ATM: variants seen among roughly 807,000 people sequenced by gnomAD.
ATM encodes ATM serine/threonine kinase.
Under a neutral mutation model 387.0 loss-of-function variants are expected in ATM, and 308 were observed. The observed-to-expected ratio is 0.80, with a 90% CI of 0.73 to 0.87. The LOEUF (loss-of-function observed/expected upper bound fraction) is 0.87. Among genes scored for constraint, ATM ranks in the 40% least tolerant of loss-of-function variants. The pLI is 0.00. For synonymous variants in ATM, 1,156 were observed against 1,187.3 expected, an observed-to-expected ratio of 0.97 and a Z score of 0.54; for missense variants, 3,312 against 3,560.9, an observed-to-expected ratio of 0.93 and a Z score of 1.78.
rs757172522 is a variant in ATM at position 108,289,018 on chromosome 11, A to C, written c.4151A>C (p.His1384Pro). ...PAPNPPHFPS[H>P]VIKATFAYIS... The stretch of plus-strand genomic sequence containing the variant: ...CCTAATCCACCTCATTTTCCATCGC[A>C]TGTGATTAAAGCAACATTTGCCTAT... The change falls in exon 28 of 63, where the codon CAT becomes CCT. Residue 1384 changes from histidine to proline, a missense_variant. Transcript: ENST00000675843. The C allele has an allele frequency of 6.2e-7, 1 of 1,613,548 alleles. No individual in the cohort carries two copies. Among genetic ancestry groups the C allele is most frequent in the Non-Finnish European group, 8.5e-7 (1 of 1,179,680 alleles).
At chr11:108,229,534 T>C (rs960501736) in intron 4 of ATM, 3 of 498,652 alleles carry the variant, frequency 6.0e-6, no homozygotes, top group African/African-American at 1.9e-5. Context: ...AGTGGGAGTT[T>C]AGAAGGAACA....
chr11:108,344,786 TTGAGCCCAGGAGTTTAAG>T (rs2088090100), intron 57 of ATM, among the ~76,000 whole-genome samples: 1 of 152,084 alleles, frequency 6.6e-6, no homozygotes, highest in Admixed American at 6.5e-5. Flanking sequence ...GGAGGATTGC[TTGAGCCCAGGAGTTTAAG>T]ACCAGCCTGG....
In ATM at chr11:108,349,670, G is replaced by C. The variant is rs183038754; in HGVS notation, c.8671+2305G>C. Among the ~76,000 whole-genome samples, 391 of 152,120 alleles carry C rather than the reference G, an allele frequency of 2.6e-3. 2 individuals carry two copies. Among genetic ancestry groups the C allele is most frequent in the African/African-American group, 9.1e-3 (378 of 41,520 alleles). ...AGAGCAAGACTGTCTCAAAAAAAAA[G>C]AATGTGGAATCTTCCTACAAGAAGT... On this transcript the variant is annotated intron_variant, in intron 59 of 62. Transcript: ENST00000675843.
In ATM at chr11:108,282,891, C is replaced by T. The variant is rs768841674; in HGVS notation, c.3746+12C>T. 6.9e-7 allele frequency: 1 copy of T among 1,444,748 alleles called. No homozygotes were observed. Among genetic ancestry groups the T allele is most frequent in the East Asian group, 2.3e-5 (1 of 43,708 alleles). The allele number at this position is 1,444,748 out of a possible 1,614,324, so 89.5% of individuals were successfully genotyped here. ...GAGGATTTCTATAGGTAAGTTTATA[C>T]ATGACATATGTGAAATTTGTTTAAT... On this transcript the variant is annotated intron_variant, in intron 25 of 62. Transcript: ENST00000675843.
In ATM at chr11:108,289,178, A is replaced by T; in HGVS notation, c.4236+75A>T. The stretch of plus-strand genomic sequence containing the variant: ...TAAAAAAACTTTGTAAATACATCTT[A>T]AAGAGGAAAAGTAAACAAATGAAAA... On this transcript the variant is annotated intron_variant, in intron 28 of 62. Transcript: ENST00000675843. 7 of 1,405,324 alleles carry T rather than the reference A, an allele frequency of 5.0e-6. No homozygotes were observed. In the South Asian group the frequency reaches 9.2e-5, roughly 18 times the overall value. 87.1% of individuals were successfully genotyped at this position (1,405,324 alleles called of 1,614,324 possible). A position where few individuals can be genotyped will look rare whatever the true frequency, so the allele number is the denominator to read the frequency against.
chr11:108,236,510 A>G (rs577102355), intron 5 of ATM: 1 of 150,550 alleles, frequency 6.6e-6, no homozygotes, highest in Admixed American at 6.7e-5. Flanking sequence ...GGCCTCCATG[A>G]CAGAGTGAGA....
chr11:108,291,553 T>C, intron 29 of ATM, among the ~76,000 whole-genome samples: 1 of 152,242 alleles, frequency 6.6e-6, no homozygotes, highest in Middle Eastern at 3.2e-3. Flanking sequence ...ATCTATTTTC[T>C]GTCTCAATGA....
chr11:108,341,547 TAATC>T (rs1555133930), intron 56 of ATM, among the ~76,000 whole-genome samples: 3 of 152,134 alleles, frequency 2.0e-5, no homozygotes, highest in Non-Finnish European at 4.4e-5. Flanking sequence ...GTTAATAAAT[TAATC>T]AAATGCTTCC....
At chr11:108,298,762 G>T (rs1297799861) in intron 33 of ATM, among the ~76,000 whole-genome samples, 1 of 152,196 alleles carries the variant, frequency 6.6e-6, no homozygotes, top group African/African-American at 2.4e-5. Flanking sequence ...TGTATTTACA[G>T]ACGACATGAT....
chr11:108,314,631 G>A (rs889925535), intron 40 of ATM, among the ~76,000 whole-genome samples: 1 of 151,908 alleles, frequency 6.6e-6, no homozygotes. Flanking sequence ...AACAGTGTAA[G>A]GGTTAGAGGT....
intron 36 of ATM, among the ~76,000 whole-genome samples, chr11:108,303,916 T>C (rs1168554505): frequency 6.6e-6 from 1 of 152,204 alleles, no homozygotes; most frequent in Non-Finnish European, 1.5e-5. Context: ...TTAAATTCTC[T>C]AGCTCTAAAA....
At chr11:108,225,134 A>G (rs967955344) in intron 1 of ATM, 83 of 152,208 alleles carry the variant, frequency 5.5e-4, no homozygotes, top group African/African-American at 2.0e-3. Flanking sequence ...GCCAAACCTT[A>G]TGGTTCTTTG....
At position 108,365,714 on chromosome 11, in the gene ATM, A is replaced by G; in HGVS notation, c.*206A>G. 1 of 688,328 alleles carries G rather than the reference A, an allele frequency of 1.5e-6. No individual in the cohort carries two copies. The highest frequency in any genetic ancestry group is 2.4e-6 in the Non-Finnish European group (1 of 424,558). The allele number at this position is 688,328 out of a possible 1,614,324, so 42.6% of individuals were successfully genotyped here. A position where few individuals can be genotyped will look rare whatever the true frequency, so the allele number is the denominator to read the frequency against. ...AGGAACATCTCTGCTTTCACTCTTT[A>G]GAAATAATGGTCATTCGGGCTGGGC... On this transcript the variant is annotated 3_prime_UTR_variant, in exon 63 of 63. Transcript: ENST00000675843.
chr11:108,285,364 A>G (rs1591649420), intron 26 of ATM, among the ~76,000 whole-genome samples: 1 of 148,346 alleles, frequency 6.7e-6, no homozygotes, highest in East Asian at 2.0e-4. Flanking sequence ...TATTTTGAGT[A>G]TTCATTAAAT....
chr11:108,355,986 A>G (rs1282074709), intron 61 of ATM: 3 of 152,208 alleles, frequency 2.0e-5, no homozygotes, highest in Non-Finnish European at 4.4e-5. Context: ...GGTCCCAATA[A>G]TACGTTGGTA....
At chr11:108,322,352 C>T (rs930075873) in intron 45 of ATM, among the ~76,000 whole-genome samples, 1 of 152,120 alleles carries the variant, frequency 6.6e-6, no homozygotes, top group African/African-American at 2.4e-5. Context: ...CGGGGTTTCG[C>T]CTTGTTGGTC....
intron 57 of ATM, among the ~76,000 whole-genome samples, chr11:108,344,847 TAA>T (rs1033182112): frequency 1.7e-4 from 26 of 151,752 alleles, no homozygotes; most frequent in African/African-American, 5.3e-4. Flanking sequence ...CTACAAAAAA[TAA>T]AAAGTCAGCC....
intron 4 of ATM, 109 bp from the exon 5 acceptor site, chr11:108,235,561 G>T (rs921036212): frequency 3.7e-6 from 4 of 1,068,160 alleles, no homozygotes; most frequent in Non-Finnish European, 5.4e-6. Context: ...TACAAAAGAA[G>T]TTTAGTTAAT....
chr11:108,325,586 T>C, intron 46 of ATM, 42 bp downstream of exon 46: 1 of 1,494,040 alleles, frequency 6.7e-7, no homozygotes, highest in East Asian at 2.3e-5. Flanking sequence ...CTCTTGACTT[T>C]CCTTTTATTA....
Sources: allele counts gnomAD v4.1 joint callset (sites outside exome capture counted in the v4.1 genomes callset), GRCh38; gene constraint gnomAD v4.1.1; transcripts MANE v1.5; gene names NCBI Gene and HGNC (gene_info 2026-07-23, HGNC 2026-07-21).